Variants in CFAP54 observed in about 807,000 individuals in gnomAD.
CFAP54 encodes cilia- and flagella-associated protein 54.
CFAP54 carries 290 observed loss-of-function variants against 370.4 expected under a neutral mutation model. The observed-to-expected ratio is 0.78, with a 90% confidence interval of 0.71 to 0.86. The LOEUF (loss-of-function observed/expected upper bound fraction) is 0.86. Ranked by LOEUF, CFAP54 falls within the 40% of genes least tolerant of loss-of-function variation. The pLI, the probability that CFAP54 is intolerant of heterozygous loss-of-function variation, is 0.00. For synonymous variants in CFAP54, 1,206 were observed against 1,236.5 expected (o/e 0.98, Z 0.52); for missense variants, 3,399 against 3,528.7 (o/e 0.96, Z 0.93).
At chr12:96,559,365 G>A (rs1298774309) in intron 17 of CFAP54, among the ~76,000 whole-genome samples, 3 of 152,064 alleles carry the variant, frequency 2.0e-5, no homozygotes, top group African/African-American at 7.2e-5. Flanking sequence ...AACATCTCAT[G>A]TACCCCATAA....
intron 24 of CFAP54, 84 bp downstream of exon 24, chr12:96,592,721 T>C (rs547846620): frequency 4.7e-6 from 2 of 427,748 alleles, no homozygotes; most frequent in South Asian, 1.3e-4. Flanking sequence ...TTTGAGTGAT[T>C]GCATAGCTTG....
At position 96,655,409 on chromosome 12, in the gene CFAP54, C is replaced by T. The variant is rs575418109; in HGVS notation, c.5101-2473C>T. Among the ~76,000 whole-genome samples the T allele has an allele frequency of 4.5e-4, 69 of 151,674 alleles. 1 individual carries two copies. The South Asian group carries it at 0.014, about 30-fold the overall frequency. On this transcript the variant is annotated intron_variant, in intron 36 of 67. Transcript: ENST00000524981. ...AGGAATTTTTCTTTACAAAAGTATC[C>T]AGGTAATAAATGAAGAAAGGATGTT...
intron 26 of CFAP54, among the ~76,000 whole-genome samples, chr12:96,608,051 C>T (rs148596847): frequency 1.5e-4 from 22 of 151,594 alleles, no homozygotes; most frequent in South Asian, 2.1e-4. Flanking sequence ...CAGGGGAAGA[C>T]GAAAAGGAGA....
At chr12:96,675,480 A>G (rs572531215) in intron 39 of CFAP54, among the ~76,000 whole-genome samples, 2 of 152,308 alleles carry the variant, frequency 1.3e-5, no homozygotes, top group Admixed American at 6.5e-5. Flanking sequence ...ACACTTTTAC[A>G]CTGTTGGTGG....
chr12:96,564,599 A>G (rs752209616), intron 18 of CFAP54, 45 bp downstream of exon 18: 2 of 669,458 alleles, frequency 3.0e-6, no homozygotes, highest in Non-Finnish European at 5.4e-6. Context: ...AATTTGGAAG[A>G]TAGTTTTTAA....
chr12:96,852,373 A>G (rs182498329), intron 66 of CFAP54, among the ~76,000 whole-genome samples: 1 of 152,204 alleles, frequency 6.6e-6, no homozygotes, highest in Admixed American at 6.5e-5. Context: ...TTTCTATATA[A>G]TAAGTCCAGG....
intron 44 of CFAP54, among the ~76,000 whole-genome samples, chr12:96,693,356 A>T (rs1228089512): frequency 6.6e-6 from 1 of 152,188 alleles, no homozygotes; most frequent in Non-Finnish European, 1.5e-5. Context: ...TTGGTAGCTC[A>T]TTTGCTAGAA....
chr12:96,766,855 C>T (rs919030025), intron 60 of CFAP54, among the ~76,000 whole-genome samples: 3 of 152,170 alleles, frequency 2.0e-5, no homozygotes, highest in South Asian at 4.1e-4. Flanking sequence ...AAGATGGACC[C>T]TAAAACTCAG....
At position 96,644,185 on chromosome 12, in the gene CFAP54, A is replaced by G; in HGVS notation, c.4324A>G (p.Arg1442Gly). 1 of 1,528,532 alleles carries G rather than the reference A, an allele frequency of 6.5e-7. No homozygotes were observed. The highest frequency in any genetic ancestry group is 8.8e-7 in the Non-Finnish European group (1 of 1,141,890). 94.7% of individuals were successfully genotyped at this position (1,528,532 alleles called of 1,614,324 possible). The change falls in exon 33 of 68, where the codon AGA (arginine) becomes GGA (glycine). Residue 1442 changes from arginine (R) to glycine (G), a missense_variant. This residue lies in a region of CFAP54 where 2,796 missense variants were observed against 2,869.7 expected (regional missense o/e 0.97). Coordinates refer to ENST00000524981, the MANE Select transcript of CFAP54 (RefSeq NM_001306084.2). ...TTCTTTCTCCCTTGGCAGAAATAGG[A>G]GAACCAGTGTTAGGAAAGCAGCACA... ...SEMVAHERNR[R>G]TSVRKAAQRY...
At chr12:96,746,236 TA>T (rs1203624969) in intron 55 of CFAP54, among the ~76,000 whole-genome samples, 1 of 151,982 alleles carries the variant, frequency 6.6e-6, no homozygotes, top group Admixed American at 6.6e-5. Context: ...TATCCACCAG[TA>T]AAAAAATAAA....
At chr12:96,831,808 G>C (rs937289439) in intron 66 of CFAP54, among the ~76,000 whole-genome samples, 31 of 152,146 alleles carry the variant, frequency 2.0e-4, no homozygotes, top group African/African-American at 5.8e-4. Flanking sequence ...CTTTCATTTT[G>C]AACATCTGAA....
intron 10 of CFAP54, 27 bp downstream of exon 10, chr12:96,534,000 G>T (rs900579456): frequency 3.5e-6 from 5 of 1,408,510 alleles, no homozygotes; most frequent in African/African-American, 2.9e-5. Flanking sequence ...TATCCTCCTG[G>T]TTTTTTTTTT....
chr12:96,559,692 C>T (rs994177975), intron 17 of CFAP54, among the ~76,000 whole-genome samples: 1 of 151,744 alleles, frequency 6.6e-6, no homozygotes, highest in African/African-American at 2.4e-5. Flanking sequence ...ATGGACATAT[C>T]CATAGGCTGA....
intron 64 of CFAP54, among the ~76,000 whole-genome samples, chr12:96,814,923 A>T (rs1018117435): frequency 1.1e-4 from 16 of 152,060 alleles, no homozygotes; most frequent in Non-Finnish European, 2.1e-4. Context: ...CCGTGGTGTT[A>T]TGTGCCATTT....
chr12:96,736,626 T>C (rs969950054), intron 50 of CFAP54, among the ~76,000 whole-genome samples: 11 of 152,106 alleles, frequency 7.2e-5, no homozygotes, highest in African/African-American at 2.7e-4. Context: ...TCAAAAATGG[T>C]CCAGACATCT....
chr12:96,665,799 C>T (rs762784278), intron 39 of CFAP54, among the ~76,000 whole-genome samples: 9 of 152,128 alleles, frequency 5.9e-5, no homozygotes, highest in Non-Finnish European at 1.0e-4. Context: ...CTTGGCTATT[C>T]AGGCTCTTTT....
chr12:96,635,818 A>T (rs901995560), intron 32 of CFAP54, among the ~76,000 whole-genome samples: 3 of 152,238 alleles, frequency 2.0e-5, no homozygotes, highest in African/African-American at 7.2e-5. Context: ...GAATAGCCGC[A>T]TCAGAAGGTA....
chr12:96,830,502 G>T (rs11108713), intron 66 of CFAP54, among the ~76,000 whole-genome samples: 1 of 151,770 alleles, frequency 6.6e-6, no homozygotes, highest in South Asian at 2.1e-4. Flanking sequence ...GACCATTTGC[G>T]TATCTTCTTT....
At chr12:96,798,355 A>G (rs1007454238) in intron 63 of CFAP54, among the ~76,000 whole-genome samples, 2 of 152,078 alleles carry the variant, frequency 1.3e-5, no homozygotes, top group Non-Finnish European at 2.9e-5. Flanking sequence ...TTTTACATTT[A>G]TTTGTAAAAT....
Sources: allele counts gnomAD v4.1 joint callset (sites outside exome capture counted in the v4.1 genomes callset), GRCh38; gene constraint gnomAD v4.1.1; regional missense constraint gnomAD v4.1.1; transcripts MANE v1.5; gene names NCBI Gene and HGNC (gene_info 2026-07-23, HGNC 2026-07-21).